AOPEP: variants seen among roughly 807,000 people sequenced by gnomAD.
AOPEP encodes aminopeptidase O (putative), also known as aminopeptidase O.
A neutral mutation model predicts 98.1 loss-of-function variants in AOPEP; 77 were observed. The ratio of observed to expected loss-of-function variants is 0.78; its 90% CI spans 0.65 to 0.95. AOPEP has a LOEUF of 0.95. Ranked by LOEUF, AOPEP falls within the 40% of genes least tolerant of loss-of-function variation. The probability of loss-of-function intolerance (pLI) is 0.00; values close to 1 mark genes in which losing one functional copy is unlikely to be tolerated. For missense variants in AOPEP, 1,024 were observed against 1,024.7 expected, an observed-to-expected ratio of 1.00 and a Z score of 0.01; for synonymous variants, 346 against 365.3, an observed-to-expected ratio of 0.95 and a Z score of 0.60.
chr9:94,869,568 T>G (rs983546838), intron 5 of AOPEP, among the ~76,000 whole-genome samples: 1 of 152,226 alleles, frequency 6.6e-6, no homozygotes, highest in Non-Finnish European at 1.5e-5. Flanking sequence ...GGCAATCAAT[T>G]GCTGTGGGAT....
At chr9:95,126,990 G>A in the AOPEP span, 3 of 237,402 alleles carry the variant, frequency 1.3e-5, no homozygotes, top group Non-Finnish European at 1.7e-5. Flanking sequence ...GGTCAGGCCC[G>A]TGCCTGCAGC....
intron 13 of AOPEP, among the ~76,000 whole-genome samples, chr9:95,021,133 T>C (rs1228141653): frequency 2.6e-5 from 4 of 152,174 alleles, no homozygotes; most frequent in African/African-American, 9.7e-5. Flanking sequence ...TTCTGCAGTC[T>C]GTCTAACTTG....
At chr9:95,092,913 C>T in the AOPEP span, among the ~76,000 whole-genome samples, 1 of 152,198 alleles carries the variant, frequency 6.6e-6, no homozygotes, top group African/African-American at 2.4e-5. Context: ...CCTGAGGTTT[C>T]TGCATTCTGA....
intron 3 of AOPEP, among the ~76,000 whole-genome samples, chr9:94,786,238 C>G (rs1466726231): frequency 2.0e-5 from 3 of 152,204 alleles, no homozygotes; most frequent in Non-Finnish European, 4.4e-5. Flanking sequence ...TTAATCCTAA[C>G]TTAATCCTCA....
intron 13 of AOPEP, among the ~76,000 whole-genome samples, chr9:95,035,862 A>G (rs2064772600): frequency 6.6e-6 from 1 of 151,584 alleles, no homozygotes; most frequent in African/African-American, 2.4e-5. Flanking sequence ...GTGTGGCCTT[A>G]CTTGCTTGTC....
intron 1 of AOPEP, among the ~76,000 whole-genome samples, chr9:94,741,617 G>A (rs1056235935): frequency 3.3e-5 from 5 of 151,906 alleles, no homozygotes; most frequent in South Asian, 2.1e-4. Flanking sequence ...TTAAATTAGC[G>A]CTTCAGGAAT....
At chr9:95,149,038 G>A in the AOPEP span, among the ~76,000 whole-genome samples, 1 of 151,652 alleles carries the variant, frequency 6.6e-6, no homozygotes, top group Non-Finnish European at 1.5e-5. Context: ...AATGAGACTT[G>A]CAAAAATGTA....
chr9:94,921,748 C>T (rs558000704), intron 5 of AOPEP, among the ~76,000 whole-genome samples: 7 of 152,274 alleles, frequency 4.6e-5, no homozygotes, highest in Admixed American at 2.0e-4. Flanking sequence ...AAACGGGCCC[C>T]GGAGGCTTTC....
In AOPEP at chr9:94,836,942, T is replaced by A. The variant is rs182243887; in HGVS notation, c.1364+35940T>A. Reference sequence around the variant, plus strand: ...CTTGTCTAATTATTTTTTAAAAAAATTTTTTATGAATTTTAAATGAAACAA... The same window carrying A: ...CTTGTCTAATTATTTTTTAAAAAAAATTTTTATGAATTTTAAATGAAACAA... On this transcript the variant is annotated intron_variant, in intron 5 of 16. Transcript: ENST00000375315. 6.6e-3 allele frequency among the ~76,000 whole-genome samples: 1,008 copies of A among 152,206 alleles called. 15 individuals are homozygous for A. Among genetic ancestry groups the A allele is most frequent in the African/African-American group, 0.023 (948 of 41,548 alleles).
At chr9:94,798,438 T>G (rs1454910101) in intron 4 of AOPEP, among the ~76,000 whole-genome samples, 1 of 152,182 alleles carries the variant, frequency 6.6e-6, no homozygotes, top group Non-Finnish European at 1.5e-5. Flanking sequence ...TCTATCAGGT[T>G]TAGGTTGTAT....
chr9:94,776,280 A>C (rs1481731104), intron 3 of AOPEP, among the ~76,000 whole-genome samples: 1 of 152,070 alleles, frequency 6.6e-6, no homozygotes, highest in Non-Finnish European at 1.5e-5. Context: ...GAGCGTAAAG[A>C]GTATCCTCAT....
At chr9:94,736,788 A>T (rs1341490458) in intron 1 of AOPEP, among the ~76,000 whole-genome samples, 1 of 148,920 alleles carries the variant, frequency 6.7e-6, no homozygotes, top group South Asian at 2.1e-4. Flanking sequence ...TCCTTTTTGC[A>T]TCTGCTCTCC....
At chr9:95,028,037 T>C (rs1266020476) in intron 13 of AOPEP, among the ~76,000 whole-genome samples, 1 of 152,118 alleles carries the variant, frequency 6.6e-6, no homozygotes, top group Non-Finnish European at 1.5e-5. Context: ...TCTTTCAAAT[T>C]TGTGCTTGTC....
chr9:94,890,435 T>C (rs1169663658), intron 5 of AOPEP, among the ~76,000 whole-genome samples: 2 of 151,978 alleles, frequency 1.3e-5, no homozygotes, highest in Non-Finnish European at 1.5e-5. Context: ...AGTGCTGGGA[T>C]TACAGGCATG....
At chr9:95,076,203 G>A (rs1189083902) in intron 14 of AOPEP, among the ~76,000 whole-genome samples, 1 of 152,208 alleles carries the variant, frequency 6.6e-6, no homozygotes, top group Non-Finnish European at 1.5e-5. Flanking sequence ...GTAATTCAGT[G>A]GTGGTGATGG....
chr9:94,891,322 T>C (rs1245769538), intron 5 of AOPEP, among the ~76,000 whole-genome samples: 3 of 152,262 alleles, frequency 2.0e-5, no homozygotes, highest in Non-Finnish European at 4.4e-5. Context: ...TTGTTACGCT[T>C]GAAGTGAATT....
intron 11 of AOPEP, among the ~76,000 whole-genome samples, chr9:94,983,756 T>C (rs7875888): frequency 0.078 from 11,817 of 152,240 alleles, 1,151 homozygotes; most frequent in African/African-American, 0.23. Flanking sequence ...GCATGCCCTT[T>C]GCTCCTTGGC....
intron 13 of AOPEP, among the ~76,000 whole-genome samples, chr9:95,052,090 T>C (rs1355814639): frequency 6.6e-6 from 1 of 152,256 alleles, no homozygotes; most frequent in Admixed American, 6.5e-5. Context: ...AATTTTCATG[T>C]GTTGCTATAT....
chr9:95,123,660 C>T, the AOPEP span: 12 of 636,436 alleles, frequency 1.9e-5, no homozygotes, highest in Non-Finnish European at 3.6e-5. Flanking sequence ...ACAGTGGAGG[C>T]TGCAGCAGTC....
Sources: gnomAD v4.1 joint callset for allele counts (sites outside exome capture counted in the v4.1 genomes callset) on GRCh38, gnomAD v4.1.1 for gene constraint, MANE v1.5 for transcripts, NCBI Gene and HGNC (gene_info 2026-07-23, HGNC 2026-07-21) for gene names.